PTPRD: variants seen among roughly 807,000 people sequenced by gnomAD.
PTPRD encodes the protein receptor-type tyrosine-protein phosphatase delta.
In PTPRD, 34 loss-of-function variants were observed where a neutral mutation model predicts 214.5. That is an observed-to-expected ratio of 0.16 (90% CI 0.12 to 0.21). The LOEUF is 0.21. Among genes scored for constraint, PTPRD ranks in the 10% least tolerant of loss-of-function variants. PTPRD has a pLI of 1.00. For missense variants in PTPRD, 2,545 were observed against 2,398.7 expected (o/e 1.06, Z -1.27); for synonymous variants, 1,128 against 845.7 (o/e 1.33, Z -5.79).
At chr9:8,997,735 G>C (rs918351623) in intron 11 of PTPRD, among the ~76,000 whole-genome samples, 1 of 152,244 alleles carries the variant, frequency 6.6e-6, no homozygotes, top group East Asian at 1.9e-4. Flanking sequence ...GAAGGAATGT[G>C]AAACACCCAG....
intron 9 of PTPRD, among the ~76,000 whole-genome samples, chr9:9,389,870 C>T (rs2065187060): frequency 6.6e-6 from 1 of 152,186 alleles, no homozygotes; most frequent in Non-Finnish European, 1.5e-5. Context: ...TCAATCCTTT[C>T]TTATGGCTTC....
Position 9,106,671 on chromosome 9 carries a change from G to C in PTPRD, c.-143+76633C>G, listed in dbSNP as rs1037372852. 4.7e-5 allele frequency among the ~76,000 whole-genome samples: 7 copies of C among 149,976 alleles called. No homozygotes were observed. The East Asian group carries it at 1.2e-3, about 25-fold the overall frequency. On this transcript the variant is annotated intron_variant, in intron 10 of 45. Coordinates refer to ENST00000381196, the MANE Select transcript of PTPRD (RefSeq NM_002839.4). ...GCAGGCTCCTACCTAAGTTTAATAGGTGTATAATTTGCCAATAGAATTTAA... is the reference window on the plus strand; with the variant it reads ...GCAGGCTCCTACCTAAGTTTAATAGCTGTATAATTTGCCAATAGAATTTAA...
chr9:9,796,763 G>A (rs1375921089), intron 5 of PTPRD, among the ~76,000 whole-genome samples: 1 of 152,132 alleles, frequency 6.6e-6, no homozygotes, highest in Non-Finnish European at 1.5e-5. Flanking sequence ...GAATGAAAGG[G>A]CCATGAGGAC....
chr9:9,615,046 T>A (rs2094771684), intron 7 of PTPRD, among the ~76,000 whole-genome samples: 1 of 151,910 alleles, frequency 6.6e-6, no homozygotes, highest in African/African-American at 2.4e-5. Flanking sequence ...GCCAGAAGGG[T>A]CAGCAACGTG....
intron 3 of PTPRD, among the ~76,000 whole-genome samples, chr9:10,118,827 T>C (rs528921946): frequency 6.7e-6 from 1 of 149,686 alleles, no homozygotes; most frequent in East Asian, 2.0e-4. Flanking sequence ...TTTCAAACCA[T>C]AGGACAACTA....
chr9:8,691,947 C>T (rs1372830631), intron 12 of PTPRD, among the ~76,000 whole-genome samples: 11 of 152,214 alleles, frequency 7.2e-5, no homozygotes, highest in East Asian at 3.9e-4. Flanking sequence ...TTCATACCTC[C>T]TATTTCTATC....
chr9:10,164,984 A>C (rs896669324), intron 3 of PTPRD, among the ~76,000 whole-genome samples: 2 of 151,646 alleles, frequency 1.3e-5, no homozygotes, highest in East Asian at 1.9e-4. Context: ...AAAAGTCATT[A>C]AGGATAAGAA....
chr9:8,803,478 CATT>C (rs2096612003), intron 11 of PTPRD, among the ~76,000 whole-genome samples: 1 of 152,134 alleles, frequency 6.6e-6, no homozygotes, highest in Non-Finnish European at 1.5e-5. Flanking sequence ...TATCTTCTAG[CATT>C]ATTATCTTTA....
At chr9:9,469,347 A>C (rs1408644058) in intron 8 of PTPRD, among the ~76,000 whole-genome samples, 1 of 152,034 alleles carries the variant, frequency 6.6e-6, no homozygotes, top group East Asian at 1.9e-4. Context: ...GTCTTCTAGG[A>C]GCAATGATTT....
intron 2 of PTPRD, among the ~76,000 whole-genome samples, chr9:10,426,383 C>T (rs569367195): frequency 4.6e-5 from 7 of 151,788 alleles, no homozygotes; most frequent in African/African-American, 1.7e-4. Context: ...TTATTTTCTT[C>T]AAAAAAGCCC....
chr9:9,366,858 G>A (rs373182048), intron 9 of PTPRD, among the ~76,000 whole-genome samples: 1 of 151,136 alleles, frequency 6.6e-6, no homozygotes, highest in Non-Finnish European at 1.5e-5. Context: ...AAGGTCAACT[G>A]ATCTTTGGGT....
intron 5 of PTPRD, among the ~76,000 whole-genome samples, chr9:9,885,229 T>A (rs78158837): frequency 0.087 from 13,160 of 152,028 alleles, 767 homozygotes; most frequent in South Asian, 0.16. Context: ...TGAATAAAAA[T>A]TAGAAATTAC....
chr9:9,902,688 G>C (rs1020993354), intron 5 of PTPRD, among the ~76,000 whole-genome samples: 6 of 152,184 alleles, frequency 3.9e-5, no homozygotes, highest in African/African-American at 1.4e-4. Context: ...AAAATCATGG[G>C]GTGATGATGA....
intron 5 of PTPRD, among the ~76,000 whole-genome samples, chr9:9,899,010 A>C (rs1448798297): frequency 5.3e-5 from 8 of 152,208 alleles, no homozygotes; most frequent in Non-Finnish European, 1.5e-5. Context: ...ACCAAACAAA[A>C]ATTTTCTGTA....
chr9:8,433,329 A>G (rs914146932), intron 35 of PTPRD, among the ~76,000 whole-genome samples: 1 of 152,264 alleles, frequency 6.6e-6, no homozygotes, highest in African/African-American at 2.4e-5. Flanking sequence ...ATATTTAATA[A>G]GTGAATATGT....
At chr9:9,506,529 G>C (rs72706515) in intron 8 of PTPRD, among the ~76,000 whole-genome samples, 7,587 of 151,378 alleles carry the variant, frequency 0.05, 239 homozygotes, top group Non-Finnish European at 0.071. Flanking sequence ...TGAAAGAAAT[G>C]GGAAAGTTTT....
chr9:9,857,813 T>C (rs1008322828), intron 5 of PTPRD, among the ~76,000 whole-genome samples: 1 of 152,220 alleles, frequency 6.6e-6, no homozygotes, highest in Non-Finnish European at 1.5e-5. Flanking sequence ...CTCATTCTAA[T>C]CACATTTAGT....
chr9:9,868,828 A>G (rs1424210930), intron 5 of PTPRD, among the ~76,000 whole-genome samples: 1 of 151,188 alleles, frequency 6.6e-6, no homozygotes, highest in Non-Finnish European at 1.5e-5. Flanking sequence ...CTCATCTACA[A>G]CACCAGATTC....
Position 9,467,670 on chromosome 9 carries a change from C to A in PTPRD, c.-236-70188G>T, listed in dbSNP as rs959857301. Among the ~76,000 whole-genome samples, 31 of 145,342 alleles carry A rather than the reference C, an allele frequency of 2.1e-4. 2 individuals are homozygous for A. In the Admixed American group the frequency reaches 2.2e-3, roughly 10 times the overall value. On this transcript the variant is annotated intron_variant, in intron 8 of 45. Transcript: ENST00000381196. ...TAAATAGCATGTTTACTATCGATTT[C>A]AGTAGATATTCTTGTGTTAAATTTC...
Sources: allele counts gnomAD v4.1 joint callset (sites outside exome capture counted in the v4.1 genomes callset), GRCh38; gene constraint gnomAD v4.1.1; transcripts MANE v1.5; gene names NCBI Gene and HGNC (gene_info 2026-07-23, HGNC 2026-07-21).